The following FBXL17 variants were observed in gnomAD, a reference collection of about 807,000 sequenced individuals.
FBXL17 encodes the protein F-box and leucine rich repeat protein 17.
In FBXL17, 22 loss-of-function variants were observed where a neutral mutation model predicts 66.2. That is an observed-to-expected ratio of 0.33 (90% CI 0.24 to 0.47). The LOEUF is 0.47. Ranked by LOEUF, FBXL17 falls within the 20% of genes least tolerant of loss-of-function variation. The pLI is 1.00. For missense variants in FBXL17, 878 were observed against 948.2 expected (o/e 0.93, Z 0.97); for synonymous variants, 474 against 400.5 (o/e 1.18, Z -2.19).
At chr5:107,994,018 T>C (rs1250737125) in intron 7 of FBXL17, among the ~76,000 whole-genome samples, 9 of 152,260 alleles carry the variant, frequency 5.9e-5, no homozygotes, top group Non-Finnish European at 1.3e-4. Context: ...TTCAAAATAA[T>C]GTTAAAATCA....
At chr5:108,232,805 A>ATATATATATATATATAT (rs70996987) in intron 4 of FBXL17, among the ~76,000 whole-genome samples, 36 of 105,076 alleles carry the variant, frequency 3.4e-4, no homozygotes, top group Non-Finnish European at 5.1e-4. Flanking sequence ...ATATATATAT[A>ATATATATATATATATAT]ATATATACTA....
chr5:107,935,043 G>A (rs1750853439), intron 7 of FBXL17, among the ~76,000 whole-genome samples: 1 of 151,910 alleles, frequency 6.6e-6, no homozygotes, highest in Non-Finnish European at 1.5e-5. Context: ...AGAATGGTCT[G>A]TAGATCAACA....
At chr5:107,969,121 G>A (rs1321272830) in intron 7 of FBXL17, among the ~76,000 whole-genome samples, 1 of 152,148 alleles carries the variant, frequency 6.6e-6, no homozygotes. Context: ...CAATGACACA[G>A]TGGAGTGGCA....
intron 6 of FBXL17, among the ~76,000 whole-genome samples, chr5:108,178,683 A>T (rs1752887965): frequency 6.6e-6 from 1 of 152,226 alleles, no homozygotes; most frequent in Admixed American, 6.5e-5. Flanking sequence ...ATTAGGCACC[A>T]ATAAGTATGC....
intron 6 of FBXL17, among the ~76,000 whole-genome samples, chr5:108,126,658 TATATA>T (rs1561423116): frequency 5.1e-4 from 62 of 121,422 alleles, no homozygotes; most frequent in East Asian, 2.7e-3. Context: ...TCTCTATATA[TATATA>T]CATATATATA....
At chr5:107,925,029 G>C (rs1334522734) in intron 7 of FBXL17, among the ~76,000 whole-genome samples, 1 of 152,078 alleles carries the variant, frequency 6.6e-6, no homozygotes, top group Non-Finnish European at 1.5e-5. Context: ...GTAAAGATTT[G>C]ATTTACTTTG....
chr5:108,126,684 T>TATATATATATAC (rs1313924066), intron 6 of FBXL17, among the ~76,000 whole-genome samples: 41 of 135,530 alleles, frequency 3.0e-4, no homozygotes, highest in South Asian at 7.4e-4. Context: ...TATATATATA[T>TATATATATATAC]ACACACATAC....
chr5:108,064,980 A>G (rs1458961501), intron 6 of FBXL17, among the ~76,000 whole-genome samples: 10 of 152,092 alleles, frequency 6.6e-5, no homozygotes, highest in Admixed American at 5.2e-4. Flanking sequence ...TAAGATAGGC[A>G]TTACATATAA....
chr5:107,875,751 T>C (rs1748599601), intron 8 of FBXL17, among the ~76,000 whole-genome samples: 1 of 152,206 alleles, frequency 6.6e-6, no homozygotes. Context: ...ACTAAGAACT[T>C]CAGGAATTGG....
intron 6 of FBXL17, among the ~76,000 whole-genome samples, chr5:108,064,616 T>G (rs1246155386): frequency 2.0e-5 from 3 of 152,178 alleles, no homozygotes; most frequent in African/African-American, 7.2e-5. Flanking sequence ...TGGGATAAAC[T>G]CATGAAAACC....
intron 6 of FBXL17, among the ~76,000 whole-genome samples, chr5:108,121,134 C>T (rs145064859): frequency 0.022 from 3,350 of 152,164 alleles, 110 homozygotes; most frequent in African/African-American, 0.075. Context: ...TCAAGACCAT[C>T]CTGGCCAACA....
chr5:108,132,807 T>C (rs1750987685), intron 6 of FBXL17, among the ~76,000 whole-genome samples: 1 of 152,222 alleles, frequency 6.6e-6, no homozygotes, highest in South Asian at 2.1e-4. Flanking sequence ...AACATCACTA[T>C]GACCATTGAA....
At chr5:108,023,738 A>T (rs554499518) in intron 6 of FBXL17, among the ~76,000 whole-genome samples, 1 of 152,308 alleles carries the variant, frequency 6.6e-6, no homozygotes, top group African/African-American at 2.4e-5. Flanking sequence ...AAATCAGAGC[A>T]ATTCCCAGCT....
chr5:108,167,387 T>C (rs2150012800), intron 6 of FBXL17, among the ~76,000 whole-genome samples: 1 of 152,304 alleles, frequency 6.6e-6, no homozygotes, highest in African/African-American at 2.4e-5. Context: ...TGAAACATGA[T>C]TAAGCCTCCA....
intron 7 of FBXL17, among the ~76,000 whole-genome samples, chr5:107,909,537 C>G (rs929446741): frequency 6.6e-6 from 1 of 152,104 alleles, no homozygotes; most frequent in African/African-American, 2.4e-5. Context: ...GTTCTGGAGG[C>G]CTTTGAAACA....
intron 4 of FBXL17, among the ~76,000 whole-genome samples, chr5:108,227,217 C>G (rs1275830461): frequency 2.0e-5 from 3 of 152,128 alleles, no homozygotes; most frequent in African/African-American, 4.8e-5. Context: ...CCCCAAGTGA[C>G]TCTTAAGCAT....
chr5:107,982,272 G>C (rs983189969), intron 7 of FBXL17, among the ~76,000 whole-genome samples: 2 of 151,918 alleles, frequency 1.3e-5, no homozygotes, highest in African/African-American at 4.8e-5. Context: ...AGGTACATCA[G>C]GCATACTTTA....
chr5:108,193,230 C>T (rs947516705), intron 5 of FBXL17, among the ~76,000 whole-genome samples: 2 of 152,018 alleles, frequency 1.3e-5, no homozygotes, highest in African/African-American at 4.8e-5. Flanking sequence ...CACACTAATC[C>T]GCCAAACAGC....
At chr5:108,051,177 T>A (rs911681181) in intron 6 of FBXL17, among the ~76,000 whole-genome samples, 3 of 152,188 alleles carry the variant, frequency 2.0e-5, no homozygotes, top group Non-Finnish European at 4.4e-5. Context: ...GCTGGTACTA[T>A]CCCTTCTGAA....
Sources: allele counts gnomAD v4.1 joint callset (sites outside exome capture counted in the v4.1 genomes callset), GRCh38; gene constraint gnomAD v4.1.1; transcripts MANE v1.5; gene names NCBI Gene and HGNC (gene_info 2026-07-23, HGNC 2026-07-21).